The following ZFPM2 variants were observed in gnomAD, a reference collection of about 807,000 sequenced individuals.
ZFPM2 encodes zinc finger protein ZFPM2.
In ZFPM2, 20 loss-of-function variants were observed where a neutral mutation model predicts 98.6. The observed-to-expected ratio is 0.20, with a 90% confidence interval of 0.14 to 0.29. The LOEUF (loss-of-function observed/expected upper bound fraction) is 0.29, where lower values mean the gene tolerates loss of function less well. ZFPM2 is among the 10% of genes least tolerant of loss of function. The probability of loss-of-function intolerance (pLI) is 1.00; values close to 1 mark genes in which losing one functional copy is unlikely to be tolerated. For missense variants in ZFPM2, 1,310 were observed against 1,388.6 expected, an observed-to-expected ratio of 0.94 and a Z score of 0.90; for synonymous variants, 518 against 502.7, an observed-to-expected ratio of 1.03 and a Z score of -0.41.
chr8:105,376,655 G>T (rs1810729713), intron 1 of ZFPM2, among the ~76,000 whole-genome samples: 1 of 152,088 alleles, frequency 6.6e-6, no homozygotes, highest in Admixed American at 6.5e-5. Context: ...AAAAAGCTGG[G>T]AGTTAGCATT....
At chr8:105,432,086 A>G (rs969640720) in intron 2 of ZFPM2, among the ~76,000 whole-genome samples, 1 of 152,120 alleles carries the variant, frequency 6.6e-6, no homozygotes, top group Admixed American at 6.5e-5. Flanking sequence ...GAGTTGGGCC[A>G]GAGAGACCAG....
intron 6 of ZFPM2, among the ~76,000 whole-genome samples, chr8:105,792,963 T>C (rs1813668093): frequency 6.6e-6 from 1 of 152,234 alleles, no homozygotes; most frequent in Non-Finnish European, 1.5e-5. Flanking sequence ...TCCTTTTATT[T>C]TGAGCCTGTG....
intron 4 of ZFPM2, among the ~76,000 whole-genome samples, chr8:105,592,549 G>A (rs1219450240): frequency 1.3e-5 from 2 of 152,112 alleles, no homozygotes; most frequent in African/African-American, 2.4e-5. Context: ...ATATATGTCA[G>A]ATGTTTCTCT....
intron 5 of ZFPM2, among the ~76,000 whole-genome samples, chr8:105,667,894 A>T (rs565252999): frequency 6.6e-6 from 1 of 152,204 alleles, no homozygotes; most frequent in African/African-American, 2.4e-5. Flanking sequence ...TTTGATTTCT[A>T]TTGTGATACA....
intron 5 of ZFPM2, among the ~76,000 whole-genome samples, chr8:105,679,909 T>A (rs1276096236): frequency 6.6e-6 from 1 of 152,138 alleles, no homozygotes; most frequent in African/African-American, 2.4e-5. Flanking sequence ...GAAAATAGAC[T>A]TTATATTTCT....
intron 4 of ZFPM2, among the ~76,000 whole-genome samples, chr8:105,622,685 T>C (rs1816576574): frequency 6.6e-6 from 1 of 152,124 alleles, no homozygotes; most frequent in African/African-American, 2.4e-5. Context: ...CTTTTCTCAT[T>C]GTCACTCCCA....
chr8:105,468,678 A>G lies in ZFPM2; in HGVS notation c.301+24297A>G, dbSNP rs978930715. ...TATACCTAAATCACCAGGAAAAATA[A>G]TAGCTTAAATGTATTAAGTGAGCAT... On this transcript the variant is annotated intron_variant, in intron 3 of 7. Transcript: ENST00000407775. Among the ~76,000 whole-genome samples the G allele has an allele frequency of 5.3e-4, 81 of 151,860 alleles. 1 individual carries two copies. The highest frequency in any genetic ancestry group is 1.5e-4 in the Non-Finnish European group (10 of 68,018).
At chr8:105,386,671 G>A (rs187611905) in intron 1 of ZFPM2, among the ~76,000 whole-genome samples, 38 of 152,304 alleles carry the variant, frequency 2.5e-4, no homozygotes, top group African/African-American at 9.1e-4. Context: ...CCACAATGTG[G>A]AAGGGGACCC....
At chr8:105,381,370 G>A (rs763075126) in intron 1 of ZFPM2, among the ~76,000 whole-genome samples, 20 of 151,702 alleles carry the variant, frequency 1.3e-4, no homozygotes, top group Non-Finnish European at 2.8e-4. Flanking sequence ...CAGCTTTAAC[G>A]TCACTTCATT....
intron 1 of ZFPM2, 22 bp from the exon 2 acceptor site, chr8:105,419,122 G>A (rs747181370): frequency 6.2e-7 from 1 of 1,605,416 alleles, no homozygotes; most frequent in Non-Finnish European, 8.5e-7. Flanking sequence ...TTTTGGTACA[G>A]TTTCCCTGAT....
At chr8:105,497,823 A>G (rs1165242607) in intron 3 of ZFPM2, among the ~76,000 whole-genome samples, 1 of 152,122 alleles carries the variant, frequency 6.6e-6, no homozygotes, top group East Asian at 1.9e-4. Context: ...GCATTTCACT[A>G]TTCCATATTG....
chr8:105,598,679 TG>T (rs1195216114), intron 4 of ZFPM2, among the ~76,000 whole-genome samples: 15 of 152,292 alleles, frequency 9.8e-5, no homozygotes, highest in African/African-American at 3.4e-4. Context: ...TTTCTACATT[TG>T]CCTCCTTGTT....
intron 5 of ZFPM2, among the ~76,000 whole-genome samples, chr8:105,709,294 AT>A (rs1173861481): frequency 1.6e-4 from 24 of 152,328 alleles, no homozygotes; most frequent in African/African-American, 4.3e-4. Context: ...AACTCATAAA[AT>A]TTAAAAACAT....
At chr8:105,606,898 T>C (rs537096651) in intron 4 of ZFPM2, among the ~76,000 whole-genome samples, 10 of 152,272 alleles carry the variant, frequency 6.6e-5, no homozygotes, top group African/African-American at 1.9e-4. Context: ...TGTTTGTTTG[T>C]TTGCTTGCTT....
At chr8:105,478,436 T>C (rs1349961630) in intron 3 of ZFPM2, among the ~76,000 whole-genome samples, 2 of 152,204 alleles carry the variant, frequency 1.3e-5, no homozygotes, top group African/African-American at 4.8e-5. Flanking sequence ...TGTCTTCTAC[T>C]CTCTCCAAGA....
chr8:105,442,946 T>A (rs919911702), intron 2 of ZFPM2, among the ~76,000 whole-genome samples: 1 of 151,254 alleles, frequency 6.6e-6, no homozygotes, highest in Non-Finnish European at 1.5e-5. Flanking sequence ...TATTAGAGAG[T>A]TGGGAAACTG....
intron 3 of ZFPM2, among the ~76,000 whole-genome samples, chr8:105,528,364 G>T (rs552302710): frequency 1.3e-5 from 2 of 152,086 alleles, no homozygotes; most frequent in African/African-American, 4.8e-5. Flanking sequence ...GGAGACTGCC[G>T]TAAGGAAGTT....
At chr8:105,650,979 T>G (rs1390643093) in intron 5 of ZFPM2, among the ~76,000 whole-genome samples, 2 of 152,124 alleles carry the variant, frequency 1.3e-5, no homozygotes, top group Non-Finnish European at 2.9e-5. Context: ...CTTCTTCAAT[T>G]CTAGCGTCTT....
chr8:105,513,964 T>C (rs1385962110), intron 3 of ZFPM2, among the ~76,000 whole-genome samples: 1 of 151,906 alleles, frequency 6.6e-6, no homozygotes, highest in African/African-American at 2.4e-5. Context: ...ATTTTTGGAT[T>C]ATACTCACAA....
Sources: allele counts gnomAD v4.1 joint callset (sites outside exome capture counted in the v4.1 genomes callset), GRCh38; gene constraint gnomAD v4.1.1; transcripts MANE v1.5; gene names NCBI Gene and HGNC (gene_info 2026-07-23, HGNC 2026-07-21).